PLSCR2: variants seen among roughly 807,000 people sequenced by gnomAD.
PLSCR2 encodes the protein phospholipid scramblase 2, also known as PL scramblase 2.
A neutral mutation model predicts 25.3 loss-of-function variants in PLSCR2; 18 were observed. The observed-to-expected ratio is 0.71, with a 90% CI of 0.49 to 1.06. The LOEUF (loss-of-function observed/expected upper bound fraction) is 1.06. Among genes scored for constraint, PLSCR2 ranks in the 50% least tolerant of loss-of-function variants. PLSCR2 has a pLI of 0.00. For synonymous variants in PLSCR2, 88 were observed against 87.3 expected (o/e 1.01, Z -0.04); for missense variants, 243 against 269.5 (o/e 0.90, Z 0.69).
chr3:146,432,245 C>T (rs2039574496), downstream of PLSCR2, among the ~76,000 whole-genome samples: 1 of 152,074 alleles, frequency 6.6e-6, no homozygotes, highest in African/African-American at 2.4e-5. Context: ...CAAGTTCCTT[C>T]CTTTATCCTT....
At chr3:146,400,820 A>T (rs1224553499) in intron 2 of PLSCR2, among the ~76,000 whole-genome samples, 1 of 151,894 alleles carries the variant, frequency 6.6e-6, no homozygotes, top group Non-Finnish European at 1.5e-5. Flanking sequence ...ACATAGGTAG[A>T]ACGATGGAAG....
At chr3:146,492,840 A>G (rs1003224089) in intron 1 of PLSCR2, among the ~76,000 whole-genome samples, 2 of 152,090 alleles carry the variant, frequency 1.3e-5, no homozygotes, top group Non-Finnish European at 2.9e-5. Context: ...AAAACCATAC[A>G]AAAGATTAAC....
At chr3:146,481,123 G>T (rs1425106204) in intron 1 of PLSCR2, among the ~76,000 whole-genome samples, 1 of 151,726 alleles carries the variant, frequency 6.6e-6, no homozygotes, top group African/African-American at 2.4e-5. Flanking sequence ...CACAGCCAAT[G>T]TCATACTGAA....
upstream of PLSCR2, among the ~76,000 whole-genome samples, chr3:146,463,243 C>A (rs2041702862): frequency 6.6e-6 from 1 of 152,082 alleles, no homozygotes; most frequent in African/African-American, 2.4e-5. Context: ...GTGGCGAGAT[C>A]TGGGCTCACT....
intron 6 of PLSCR2, among the ~76,000 whole-genome samples, chr3:146,448,058 T>C (rs2040668118): frequency 6.6e-6 from 1 of 152,158 alleles, no homozygotes; most frequent in Non-Finnish European, 1.5e-5. Flanking sequence ...CTGCCGGGTA[T>C]GGGGGAGGAG....
chr3:146,460,275 G>A (rs746680440), exon 1 of PLSCR2: 146 of 1,321,386 alleles, frequency 1.1e-4, no homozygotes, highest in Non-Finnish European at 1.4e-4. Flanking sequence ...TCTATTTTGA[G>A]GGTGGTTCAC....
chr3:146,407,243 A>T (rs1368057803), intron 2 of PLSCR2, among the ~76,000 whole-genome samples: 1 of 152,162 alleles, frequency 6.6e-6, no homozygotes, highest in East Asian at 1.9e-4. Context: ...TGACTGAGCT[A>T]TGGATGAGGT....
chr3:146,492,918 T>C (rs2043602840), intron 1 of PLSCR2, among the ~76,000 whole-genome samples: 2 of 148,558 alleles, frequency 1.3e-5, no homozygotes, highest in South Asian at 4.3e-4. Flanking sequence ...GCTAGATGAA[T>C]AAAGAAAAAA....
chr3:146,485,039 A>T (rs1277936072), intron 1 of PLSCR2, among the ~76,000 whole-genome samples: 2 of 151,898 alleles, frequency 1.3e-5, no homozygotes, highest in Non-Finnish European at 2.9e-5. Context: ...TATTCAGGAG[A>T]CCTATCTTCT....
chr3:146,405,062 G>A (rs2038618270), intron 2 of PLSCR2, among the ~76,000 whole-genome samples: 1 of 151,958 alleles, frequency 6.6e-6, no homozygotes, highest in African/African-American at 2.4e-5. Context: ...TTAAGAGTCC[G>A]TTTATTTAGC....
At chr3:146,407,722 C>T (rs114598165) in intron 2 of PLSCR2, among the ~76,000 whole-genome samples, 2,339 of 152,166 alleles carry the variant, frequency 0.015, 63 homozygotes, top group African/African-American at 0.053. Flanking sequence ...CTTACCTCAT[C>T]GGAGAGCCTG....
intron 1 of PLSCR2, among the ~76,000 whole-genome samples, chr3:146,490,041 T>C (rs905103060): frequency 7.9e-5 from 12 of 152,162 alleles, no homozygotes; most frequent in African/African-American, 2.6e-4. Flanking sequence ...ATCATAAAAG[T>C]CCCAGATCTT....
At chr3:146,443,140 C>A (rs1229776398) in intron 6 of PLSCR2, among the ~76,000 whole-genome samples, 1 of 151,996 alleles carries the variant, frequency 6.6e-6, no homozygotes, top group Admixed American at 6.6e-5. Context: ...GATGAATTAT[C>A]TTTTTGATGT....
rs368415261 is a variant in PLSCR2, at chr3:146,474,144, T to C, written c.-292-13860A>G. On this transcript the variant is annotated intron_variant, in intron 1 of 8. Coordinates refer to the PLSCR2 transcript ENST00000336685. ...TATCTGTGATGTGCATAAGTACATGTACACACACAGCCCATATATACACTT... is the reference window on the plus strand; with the variant it reads ...TATCTGTGATGTGCATAAGTACATGCACACACACAGCCCATATATACACTT... 2.6e-5 allele frequency among the ~76,000 whole-genome samples: 4 copies of C among 152,222 alleles called. No homozygotes were observed. In the East Asian group the frequency reaches 7.7e-4, roughly 29 times the overall value.
intron 2 of PLSCR2, among the ~76,000 whole-genome samples, chr3:146,404,547 A>G (rs2038585515): frequency 6.6e-6 from 1 of 152,208 alleles, no homozygotes; most frequent in Admixed American, 6.5e-5. Flanking sequence ...AGACCACAGC[A>G]TTCCACTTCT....
At chr3:146,425,080 C>T (rs533404771) in intron 2 of PLSCR2, among the ~76,000 whole-genome samples, 147 of 95,538 alleles carry the variant, frequency 1.5e-3, no homozygotes, top group Non-Finnish European at 2.9e-3. Flanking sequence ...CACTGCTGCA[C>T]AACAAAATCT....
chr3:146,420,817 T>C (rs1474939900), intron 2 of PLSCR2, among the ~76,000 whole-genome samples: 1 of 152,090 alleles, frequency 6.6e-6, no homozygotes, highest in Non-Finnish European at 1.5e-5. Flanking sequence ...AGCCCAATTA[T>C]AGGTTTGTTA....
chr3:146,458,502 G>T, intron 2 of PLSCR2, 49 bp from the exon 3 acceptor site: 2 of 1,242,580 alleles, frequency 1.6e-6, no homozygotes, highest in South Asian at 3.4e-5. Context: ...ATTTTATAGA[G>T]AACTAATTAC....
intron 1 of PLSCR2, 78 bp from the exon 2 acceptor site, chr3:146,460,161 T>C: frequency 7.2e-7 from 1 of 1,384,676 alleles, no homozygotes; most frequent in Non-Finnish European, 9.5e-7. Flanking sequence ...CCCAGTTATC[T>C]ACAAACTGAC....
Sources: gnomAD v4.1 joint callset for allele counts (sites outside exome capture counted in the v4.1 genomes callset) on GRCh38, gnomAD v4.1.1 for gene constraint, MANE v1.5 for transcripts, NCBI Gene and HGNC (gene_info 2026-07-23, HGNC 2026-07-21) for gene names.